SLC4A1AP: variants seen among roughly 807,000 people sequenced by gnomAD.
SLC4A1AP encodes the protein solute carrier family 4 member 1 adaptor protein, also known as kanadaptin.
SLC4A1AP carries 64 observed loss-of-function variants against 89.7 expected under a neutral mutation model. The ratio of observed to expected loss-of-function variants is 0.71; its 90% confidence interval spans 0.58 to 0.88. The LOEUF is 0.88. Ranked by LOEUF, SLC4A1AP falls within the 40% of genes least tolerant of loss-of-function variation. SLC4A1AP has a pLI of 0.00. For synonymous variants in SLC4A1AP, 366 were observed against 353.3 expected, an observed-to-expected ratio of 1.04 and a Z score of -0.40; for missense variants, 931 against 965.0, an observed-to-expected ratio of 0.96 and a Z score of 0.47.
intron 5 of SLC4A1AP, among the ~76,000 whole-genome samples, chr2:27,672,709 C>T (rs1308951462): frequency 5.9e-5 from 9 of 152,128 alleles, no homozygotes; most frequent in Admixed American, 5.2e-4. Flanking sequence ...GGGGTTTCTG[C>T]ATGGAATATA....
In SLC4A1AP at chr2:27,665,317, C is replaced by T. The variant is rs758763288; in HGVS notation, c.1021+22C>T. The T allele has an allele frequency of 1.7e-5, 26 of 1,560,846 alleles. No homozygotes were observed. In the South Asian group the frequency reaches 1.8e-4, roughly 11 times the overall value. On this transcript the variant is annotated intron_variant, in intron 2 of 13. Transcript: ENST00000613058. The stretch of plus-strand genomic sequence containing the variant: ...ATGGGTAAGAAATTAAAATTGCTGC[C>T]GGAGGTTAATATTTTAAGTTCATTA...
chr2:27,691,558 A>C (rs1180134125), intron 12 of SLC4A1AP: 1 of 111,776 alleles, frequency 8.9e-6, no homozygotes, highest in Non-Finnish European at 2.0e-5. Context: ...GATCTTTGTT[A>C]TTTCTTTTAT....
intron 5 of SLC4A1AP, among the ~76,000 whole-genome samples, chr2:27,673,216 A>T (rs74513237): frequency 0.014 from 2,187 of 151,836 alleles, 51 homozygotes; most frequent in African/African-American, 0.049. Context: ...ACTGTTTAGG[A>T]TTTATCTTTT....
chr2:27,677,489 G>A lies in SLC4A1AP; in HGVS notation c.1576+125G>A, dbSNP rs111698117. On this transcript the variant is annotated intron_variant, in intron 7 of 13. Transcript: ENST00000613058. ...GAGCCTTTTAAAGGAGCAACATACC[G>A]TTTTAGAACTAGAAAGAACATTATA... The A allele has an allele frequency of 1.0e-4, 72 of 711,962 alleles. No individual in the cohort carries two copies. The African/African-American group carries it at 1.1e-3, about 11-fold the overall frequency. 44.1% of individuals were successfully genotyped at this position (711,962 alleles called of 1,614,324 possible). A position where few individuals can be genotyped will look rare whatever the true frequency, so the allele number is the denominator to read the frequency against.
chr2:27,687,898 A>G (rs1675727439), intron 10 of SLC4A1AP, 36 bp from the exon 11 acceptor site: 1 of 1,532,116 alleles, frequency 6.5e-7, no homozygotes, highest in South Asian at 1.1e-5. Context: ...CCATGAATTA[A>G]ATCATGACAA....
chr2:27,673,600 A>G (rs949960934), intron 5 of SLC4A1AP, among the ~76,000 whole-genome samples: 5 of 151,918 alleles, frequency 3.3e-5, no homozygotes, highest in African/African-American at 1.2e-4. Context: ...AGTAGCTGGG[A>G]CTACAGGTGC....
At chr2:27,690,851 C>A (rs1435151751) in intron 12 of SLC4A1AP, among the ~76,000 whole-genome samples, 3 of 152,072 alleles carry the variant, frequency 2.0e-5, no homozygotes, top group Non-Finnish European at 4.4e-5. Context: ...GTTAAACCAT[C>A]CCAGCATCCC....
At chr2:27,669,565 A>G (rs1286222996) in intron 5 of SLC4A1AP, among the ~76,000 whole-genome samples, 178 bp downstream of exon 5, 3 of 152,214 alleles carry the variant, frequency 2.0e-5, no homozygotes, top group South Asian at 2.1e-4. Context: ...GACATTTTCT[A>G]TGCATATATA....
At chr2:27,668,703 G>T (rs894668694) in intron 3 of SLC4A1AP, 140 bp from the exon 4 acceptor site, 1 of 795,956 alleles carries the variant, frequency 1.3e-6, no homozygotes, top group Non-Finnish European at 2.2e-6. Flanking sequence ...TCCCGCCTCA[G>T]CCTCCCAAAG....
At chr2:27,664,727 C>G in intron 1 of SLC4A1AP, 150 bp downstream of exon 1, 1 of 656,130 alleles carries the variant, frequency 1.5e-6, no homozygotes, top group Non-Finnish European at 2.6e-6. Flanking sequence ...GACGGCTGTA[C>G]ACATTGCTAT....
intron 12 of SLC4A1AP, chr2:27,691,430 C>CT (rs150349122): frequency 1.3e-5 from 2 of 151,992 alleles, no homozygotes; most frequent in African/African-American, 2.4e-5. Flanking sequence ...ATAGAATCTT[C>CT]TTTTCTTGTC....
exon 14 of SLC4A1AP, chr2:27,694,791 T>C (rs1040662783): frequency 8.3e-6 from 7 of 847,876 alleles, no homozygotes; most frequent in African/African-American, 1.7e-5. Flanking sequence ...ATTTGTAAGA[T>C]CTGGTGACTG....
intron 2 of SLC4A1AP, 79 bp from the exon 3 acceptor site, chr2:27,667,189 C>A: frequency 2.1e-6 from 3 of 1,460,210 alleles, no homozygotes; most frequent in South Asian, 1.3e-5. Flanking sequence ...CTTTATGCAG[C>A]CTGAGAGAAT....
chr2:27,664,819 A>G (rs960857515), intron 1 of SLC4A1AP, among the ~76,000 whole-genome samples: 1 of 152,056 alleles, frequency 6.6e-6, no homozygotes, highest in African/African-American at 2.4e-5. Flanking sequence ...TGTAATCCCA[A>G]CACTTTGGGA....
chr2:27,665,395 T>A, intron 2 of SLC4A1AP, 100 bp downstream of exon 2: 1 of 1,012,652 alleles, frequency 9.9e-7, no homozygotes, highest in South Asian at 1.8e-5. Flanking sequence ...CATGGCTCCT[T>A]GAGATAGATA....
At chr2:27,682,348 G>C (rs1675632459) in exon 9 of SLC4A1AP, 2 of 1,604,492 alleles carry the variant, frequency 1.2e-6, no homozygotes, top group African/African-American at 1.3e-5. Flanking sequence ...ATTAAAAACT[G>C]GAACAGTAGG....
chr2:27,676,941 C>T (rs577743349), intron 6 of SLC4A1AP, among the ~76,000 whole-genome samples: 7 of 151,820 alleles, frequency 4.6e-5, no homozygotes, highest in African/African-American at 1.4e-4. Flanking sequence ...GAGATTGAGA[C>T]CATCCTGGCC....
chr2:27,675,083 TATAC>T (rs1675495136), intron 5 of SLC4A1AP, among the ~76,000 whole-genome samples: 1 of 152,188 alleles, frequency 6.6e-6, no homozygotes, highest in Non-Finnish European at 1.5e-5. Context: ...TGTGGGAAAA[TATAC>T]ATAACAGAAA....
chr2:27,663,932 T>A (rs771988203), exon 1 of SLC4A1AP: 9 of 1,614,002 alleles, frequency 5.6e-6, no homozygotes, highest in Non-Finnish European at 7.6e-6. Context: ...ACATTCTCTC[T>A]CAGTCAGAGA....
Sources: allele counts gnomAD v4.1 joint callset (sites outside exome capture counted in the v4.1 genomes callset), GRCh38; gene constraint gnomAD v4.1.1; transcripts MANE v1.5; gene names NCBI Gene and HGNC (gene_info 2026-07-23, HGNC 2026-07-21).